PPP2R3A: variants seen among roughly 807,000 people sequenced by gnomAD.
PPP2R3A encodes the protein serine/threonine-protein phosphatase 2A regulatory subunit B'' subunit alpha.
In PPP2R3A, 80 loss-of-function variants were observed where a neutral mutation model predicts 106.9. The ratio of observed to expected loss-of-function variants is 0.75; its 90% CI spans 0.62 to 0.90. The LOEUF (loss-of-function observed/expected upper bound fraction) is 0.90, where lower values mean the gene tolerates loss of function less well. Among genes scored for constraint, PPP2R3A ranks in the 40% least tolerant of loss-of-function variants. The pLI is 0.00. For missense variants in PPP2R3A, 1,386 were observed against 1,350.4 expected, an observed-to-expected ratio of 1.03 and a Z score of -0.41; for synonymous variants, 483 against 468.3, an observed-to-expected ratio of 1.03 and a Z score of -0.41.
chr3:136,023,240 T>G (rs1290401635), intron 2 of PPP2R3A: 1 of 1,556,396 alleles, frequency 6.4e-7, no homozygotes, highest in African/African-American at 1.4e-5. Flanking sequence ...TTGTTTTGTT[T>G]TGTTTTGAAA....
At chr3:136,126,846 C>T (rs1383424759) in intron 13 of PPP2R3A, among the ~76,000 whole-genome samples, 2 of 152,194 alleles carry the variant, frequency 1.3e-5, no homozygotes, top group Admixed American at 6.5e-5. Flanking sequence ...GTTCTGCAGC[C>T]TCCGCTGGTG....
chr3:135,979,072 A>G lies in PPP2R3A; in HGVS notation c.-441+13223A>G, dbSNP rs1367063850. 2.0e-5 allele frequency among the ~76,000 whole-genome samples: 3 copies of G among 151,818 alleles called. No individual in the cohort carries two copies. The East Asian group carries it at 5.8e-4, about 29-fold the overall frequency. ...TTTAAAAATTTCTAAGGAAGTTTGC[A>G]GTATTACTTTTAAAATATTTATTTG... On this transcript the variant is annotated intron_variant, in intron 1 of 13. Coordinates refer to ENST00000264977, the MANE Select transcript of PPP2R3A (RefSeq NM_002718.5).
At chr3:136,084,000 A>G (rs933969844) in intron 8 of PPP2R3A, among the ~76,000 whole-genome samples, 8 of 152,142 alleles carry the variant, frequency 5.3e-5, no homozygotes, top group African/African-American at 1.9e-4. Context: ...CTGATAATGC[A>G]GTAGAAAATA....
intron 2 of PPP2R3A, among the ~76,000 whole-genome samples, chr3:136,015,356 C>G (rs1000555107): frequency 6.6e-6 from 1 of 151,974 alleles, no homozygotes; most frequent in Admixed American, 6.6e-5. Flanking sequence ...AGGATTCCCT[C>G]TTTCTCTATA....
rs191770738 is a variant in PPP2R3A at position 136,064,664 on chromosome 3, A to G, written c.2470-5814A>G. On this transcript the variant is annotated intron_variant, in intron 5 of 13. Transcript: ENST00000264977. ...AAATGCCAGGAAGAATGAAAAAACT[A>G]TATAAGACAGCCACGATCTAAACAA... Among the ~76,000 whole-genome samples, 46 of 152,338 alleles carry G rather than the reference A, an allele frequency of 3.0e-4. No homozygotes were observed. The East Asian group carries it at 8.3e-3, about 27-fold the overall frequency.
intron 3 of PPP2R3A, among the ~76,000 whole-genome samples, chr3:136,030,357 A>G (rs1934827764): frequency 6.6e-6 from 1 of 151,918 alleles, no homozygotes; most frequent in Non-Finnish European, 1.5e-5. Flanking sequence ...TGTTTATTTA[A>G]AAGTTGATTT....
At position 136,105,198 on chromosome 3, in the gene PPP2R3A, A is replaced by C. The variant is rs186216733; in HGVS notation, c.3223-1018A>C. On this transcript the variant is annotated intron_variant, in intron 12 of 13. Coordinates refer to ENST00000264977, the MANE Select transcript of PPP2R3A (RefSeq NM_002718.5). ...CTGAGTTGGCTTTTAAAGAACAAAA[A>C]TTTGCCAGCGAATGGGGGCTTGGGG... Among the ~76,000 whole-genome samples, 551 of 152,310 alleles carry C rather than the reference A, an allele frequency of 3.6e-3. 2 individuals carry two copies. Among genetic ancestry groups the C allele is most frequent in the Non-Finnish European group, 5.8e-3 (397 of 68,020 alleles).
At chr3:136,097,253 A>G (rs958793138) in intron 10 of PPP2R3A, among the ~76,000 whole-genome samples, 4 of 152,126 alleles carry the variant, frequency 2.6e-5, no homozygotes, top group Admixed American at 2.6e-4. Flanking sequence ...CAGTACTTTC[A>G]ATAAGAAAAT....
intron 13 of PPP2R3A, among the ~76,000 whole-genome samples, chr3:136,124,289 A>G (rs1425685314): frequency 1.3e-5 from 2 of 152,200 alleles, no homozygotes; most frequent in African/African-American, 4.8e-5. Context: ...CAGGAGTTCA[A>G]GATCAGACTG....
intron 13 of PPP2R3A, among the ~76,000 whole-genome samples, chr3:136,137,534 ATTTTT>A (rs59086929): frequency 3.2e-4 from 13 of 40,540 alleles, no homozygotes; most frequent in Admixed American, 4.2e-4. Flanking sequence ...TCTGTCAGAG[ATTTTT>A]TTTTTTTTTT....
intron 1 of PPP2R3A, among the ~76,000 whole-genome samples, chr3:135,972,893 C>G (rs1003599596): frequency 8.5e-5 from 13 of 152,104 alleles, no homozygotes; most frequent in African/African-American, 2.9e-4. Context: ...TTACTGTGTG[C>G]TGTTTTTTCA....
intron 5 of PPP2R3A, among the ~76,000 whole-genome samples, chr3:136,050,384 G>T (rs1935643644): frequency 6.6e-6 from 1 of 152,324 alleles, no homozygotes; most frequent in Non-Finnish European, 1.5e-5. Context: ...CAGGTTGGCG[G>T]ATATTTTTAA....
chr3:136,136,075 T>TAAAAAAAAAAAAAAAAA, intron 13 of PPP2R3A, among the ~76,000 whole-genome samples: 1 of 7,760 alleles, frequency 1.3e-4, no homozygotes, highest in African/African-American at 2.5e-4. Flanking sequence ...AAAAAAAAAT[T>TAAAAAAAAAAAAAAAAA]ATATATATAT....
At chr3:136,084,391 A>C (rs896729528) in intron 8 of PPP2R3A, among the ~76,000 whole-genome samples, 2 of 152,108 alleles carry the variant, frequency 1.3e-5, no homozygotes, top group Non-Finnish European at 2.9e-5. Context: ...AGATTTGGGA[A>C]CCTCCACCTA....
intron 5 of PPP2R3A, among the ~76,000 whole-genome samples, chr3:136,064,967 A>G (rs1415124729): frequency 2.6e-5 from 4 of 152,236 alleles, no homozygotes; most frequent in African/African-American, 9.6e-5. Context: ...TATGAAAAAA[A>G]CCTGCACAAC....
intron 4 of PPP2R3A, among the ~76,000 whole-genome samples, chr3:136,043,747 C>G (rs1379422058): frequency 1.3e-5 from 2 of 152,170 alleles, no homozygotes; most frequent in East Asian, 3.8e-4. Context: ...GCTTTACTTT[C>G]TTTTACCTTT....
intron 13 of PPP2R3A, among the ~76,000 whole-genome samples, chr3:136,143,960 G>C (rs759158536): frequency 6.6e-6 from 1 of 152,136 alleles, no homozygotes; most frequent in African/African-American, 2.4e-5. Flanking sequence ...TCCCTGCAAG[G>C]GCTAAGCCAG....
intron 13 of PPP2R3A, among the ~76,000 whole-genome samples, chr3:136,129,263 T>A (rs1938307445): frequency 6.6e-6 from 1 of 150,470 alleles, no homozygotes; most frequent in South Asian, 2.1e-4. Flanking sequence ...ACAAAATTGA[T>A]ACACCTCTAC....
intron 5 of PPP2R3A, among the ~76,000 whole-genome samples, chr3:136,067,243 A>G (rs1251691589): frequency 6.6e-6 from 1 of 152,236 alleles, no homozygotes; most frequent in Non-Finnish European, 1.5e-5. Flanking sequence ...AGAAAAATCA[A>G]TAGATTTGCC....
Sources: allele counts gnomAD v4.1 joint callset (sites outside exome capture counted in the v4.1 genomes callset), GRCh38; gene constraint gnomAD v4.1.1; transcripts MANE v1.5; gene names NCBI Gene and HGNC (gene_info 2026-07-23, HGNC 2026-07-21).